Variants in CNTN4 observed in about 807,000 individuals in gnomAD.
CNTN4 encodes the protein contactin 4, also known as contactin-4.
A neutral mutation model predicts 122.5 loss-of-function variants in CNTN4; 77 were observed. The observed-to-expected ratio is 0.63, with a 90% CI of 0.52 to 0.76. CNTN4 has a LOEUF of 0.76. Ranked by LOEUF, CNTN4 falls within the 30% of genes least tolerant of loss-of-function variation. The probability of loss-of-function intolerance (pLI) is 0.00; values close to 1 mark genes in which losing one functional copy is unlikely to be tolerated. For missense variants in CNTN4, 1,256 were observed against 1,259.1 expected (o/e 1.00, Z 0.04); for synonymous variants, 512 against 447.0 (o/e 1.15, Z -1.83).
At chr3:2,512,672 G>A (rs1440125677) in intron 3 of CNTN4, among the ~76,000 whole-genome samples, 10 of 152,256 alleles carry the variant, frequency 6.6e-5, no homozygotes, top group Admixed American at 4.6e-4. Context: ...TTGAATAAAA[G>A]TGGCTTGAAC....
At chr3:2,624,164 G>C (rs1019000871) in intron 4 of CNTN4, among the ~76,000 whole-genome samples, 3 of 152,064 alleles carry the variant, frequency 2.0e-5, no homozygotes, top group Non-Finnish European at 4.4e-5. Context: ...TTGTTCTTCA[G>C]TATAAATTGT....
chr3:2,199,787 T>A (rs557992835), intron 2 of CNTN4, among the ~76,000 whole-genome samples: 1 of 152,186 alleles, frequency 6.6e-6, no homozygotes, highest in East Asian at 1.9e-4. Flanking sequence ...AAACAGGAAA[T>A]GTGTAAGTTG....
intron 6 of CNTN4, among the ~76,000 whole-genome samples, chr3:2,768,585 T>A (rs1312216269): frequency 6.6e-6 from 1 of 152,152 alleles, no homozygotes; most frequent in Non-Finnish European, 1.5e-5. Context: ...CCTGATGACT[T>A]CCCCTATCTA....
intron 4 of CNTN4, among the ~76,000 whole-genome samples, chr3:2,644,690 A>G (rs936304715): frequency 1.3e-5 from 2 of 149,950 alleles, no homozygotes; most frequent in African/African-American, 4.9e-5. Context: ...GAGGAGTCAC[A>G]GAAACTAGGA....
chr3:2,131,299 G>A (rs1242323078), intron 2 of CNTN4, among the ~76,000 whole-genome samples: 2 of 152,032 alleles, frequency 1.3e-5, no homozygotes, highest in South Asian at 2.1e-4. Flanking sequence ...TATCCTCCTC[G>A]TATTCAGTGT....
At chr3:2,266,272 A>G (rs145325306) in intron 2 of CNTN4, among the ~76,000 whole-genome samples, 1 of 152,016 alleles carries the variant, frequency 6.6e-6, no homozygotes, top group African/African-American at 2.4e-5. Context: ...TTTCATCATG[A>G]GGGCTGTTGA....
At chr3:2,564,222 T>A (rs2079065205) in intron 3 of CNTN4, among the ~76,000 whole-genome samples, 1 of 152,172 alleles carries the variant, frequency 6.6e-6, no homozygotes, top group Non-Finnish European at 1.5e-5. Flanking sequence ...GACTAACAGC[T>A]AGTATTTAAG....
At position 3,043,029 on chromosome 3, in the gene CNTN4, C is replaced by G. The variant is rs758370753; in HGVS notation, c.2564C>G (p.Thr855Arg). Reference sequence around the variant, plus strand: ...GAAGAAAATGCTAGAAAAATACGAACAGTTGGAAATCAGACATCAACAAAA... The same window carrying G: ...GAAGAAAATGCTAGAAAAATACGAAGAGTTGGAAATCAGACATCAACAAAA... ...DKEENARKIR[T>R]VGNQTSTKIT... Residue 855 changes from threonine (T) to arginine (R), a missense_variant, in exon 22 of 25, where the codon ACA becomes AGA. Coordinates refer to ENST00000418658, the MANE Select transcript of CNTN4 (RefSeq NM_175607.3). The G allele has an allele frequency of 6.2e-7, 1 of 1,614,082 alleles. No homozygotes were observed. The highest frequency in any genetic ancestry group is 1.7e-5 in the Admixed American group (1 of 60,012).
intron 3 of CNTN4, among the ~76,000 whole-genome samples, chr3:2,436,281 C>A (rs1280551595): frequency 6.6e-6 from 1 of 151,936 alleles, no homozygotes; most frequent in African/African-American, 2.4e-5. Flanking sequence ...TCAAGATGTA[C>A]AAAGGAAGAT....
chr3:2,800,095 G>A (rs77832348), intron 6 of CNTN4, among the ~76,000 whole-genome samples: 44 of 57,616 alleles, frequency 7.6e-4, no homozygotes, highest in African/African-American at 2.4e-3. Context: ...TTTTTTTTTT[G>A]CTTAAGATTG....
intron 6 of CNTN4, among the ~76,000 whole-genome samples, chr3:2,761,816 TAAG>T (rs1291041866): frequency 6.6e-6 from 1 of 152,138 alleles, no homozygotes; most frequent in African/African-American, 2.4e-5. Context: ...CTGAGATTTC[TAAG>T]AAGGGATTAT....
At chr3:2,458,500 A>G (rs533042061) in intron 3 of CNTN4, among the ~76,000 whole-genome samples, 200 of 152,256 alleles carry the variant, frequency 1.3e-3, no homozygotes, top group African/African-American at 4.6e-3. Context: ...AAGTTTAAAG[A>G]TATTAATTAA....
chr3:2,127,948 T>A (rs928197086), intron 2 of CNTN4, among the ~76,000 whole-genome samples: 1 of 152,236 alleles, frequency 6.6e-6, no homozygotes, highest in South Asian at 2.1e-4. Context: ...TGAATGCCAC[T>A]CTTTCAAGCA....
chr3:2,759,887 G>A (rs1177672716), intron 6 of CNTN4, among the ~76,000 whole-genome samples: 1 of 152,158 alleles, frequency 6.6e-6, no homozygotes, highest in Non-Finnish European at 1.5e-5. Flanking sequence ...TGAGTGTGAT[G>A]TGATGTCTCA....
In CNTN4 at chr3:3,057,388, C is replaced by CT. The variant is rs1183464310; in HGVS notation, c.*1171dup. ...TGTTTTGCAATAGGTAGCCTAGTTGCTTTATATGCTTTACCTTCTAGGTCT... is the reference window on the plus strand; with the variant it reads ...TGTTTTGCAATAGGTAGCCTAGTTGCTTTTATATGCTTTACCTTCTAGGTCT... On this transcript the variant is annotated 3_prime_UTR_variant, in exon 25 of 25. Transcript: ENST00000418658. 3.9e-5 allele frequency: 6 copies of CT among 152,582 alleles called. No homozygotes were observed. The highest frequency in any genetic ancestry group is 3.3e-4 in the Admixed American group (5 of 15,278). 9.5% of individuals were successfully genotyped at this position (152,582 alleles called of 1,614,324 possible). A position where few individuals can be genotyped will look rare whatever the true frequency, so the allele number is the denominator to read the frequency against.
At chr3:2,538,166 A>G (rs546313021) in intron 3 of CNTN4, among the ~76,000 whole-genome samples, 1 of 152,222 alleles carries the variant, frequency 6.6e-6, no homozygotes, top group South Asian at 2.1e-4. Flanking sequence ...CCATGTGAAG[A>G]CTGGAGTTAT....
chr3:2,999,977 C>G (rs1443276919), intron 14 of CNTN4, among the ~76,000 whole-genome samples: 1 of 152,046 alleles, frequency 6.6e-6, no homozygotes, highest in East Asian at 1.9e-4. Context: ...AGGGAATAAA[C>G]TAAATATCAG....
chr3:2,721,004 G>A (rs566375345), intron 4 of CNTN4, among the ~76,000 whole-genome samples: 21 of 152,112 alleles, frequency 1.4e-4, no homozygotes, highest in African/African-American at 4.6e-4. Flanking sequence ...ACAGAGTCTT[G>A]CTCTGTTGAC....
chr3:2,868,553 A>G (rs912160153), intron 8 of CNTN4, among the ~76,000 whole-genome samples: 2 of 152,238 alleles, frequency 1.3e-5, no homozygotes, highest in African/African-American at 2.4e-5. Context: ...AGTATTTTAT[A>G]TACTAAGCAG....
Sources: gnomAD v4.1 joint callset for allele counts (sites outside exome capture counted in the v4.1 genomes callset) on GRCh38, gnomAD v4.1.1 for gene constraint, MANE v1.5 for transcripts, NCBI Gene and HGNC (gene_info 2026-07-23, HGNC 2026-07-21) for gene names.